Variants in ANAPC5 observed in about 807,000 individuals in gnomAD.
ANAPC5 encodes the protein anaphase promoting complex subunit 5.
Under a neutral mutation model 91.3 loss-of-function variants are expected in ANAPC5, and 60 were observed. The ratio of observed to expected loss-of-function variants is 0.66; its 90% CI spans 0.53 to 0.81. The LOEUF is 0.81. Among genes scored for constraint, ANAPC5 ranks in the 40% least tolerant of loss-of-function variants. The pLI is 0.00. For synonymous variants in ANAPC5, 340 were observed against 364.1 expected (o/e 0.93, Z 0.75); for missense variants, 690 against 931.5 (o/e 0.74, Z 3.37).
intron 4 of ANAPC5, among the ~76,000 whole-genome samples, chr12:121,344,304 T>C (rs1437535615): frequency 1.3e-5 from 2 of 151,940 alleles, no homozygotes; most frequent in African/African-American, 2.4e-5. Context: ...TGGGGCCGAG[T>C]GCGGTGGCTC....
chr12:121,347,737 T>C, intron 2 of ANAPC5, 65 bp downstream of exon 2: 1 of 1,264,608 alleles, frequency 7.9e-7, no homozygotes, highest in East Asian at 2.3e-5. Context: ...AACTACCACA[T>C]ACCCTTTTGT....
At chr12:121,343,409 G>C (rs1429880793) in intron 4 of ANAPC5, among the ~76,000 whole-genome samples, 1 of 152,134 alleles carries the variant, frequency 6.6e-6, no homozygotes. Flanking sequence ...CAACCCTCTG[G>C]GGAAGGGGTA....
rs573579983 is a variant in ANAPC5 at position 121,329,481 on chromosome 12, C to T, written c.1123-984G>A. On this transcript the variant is annotated intron_variant, in intron 9 of 16. Coordinates refer to ENST00000261819, the MANE Select transcript of ANAPC5 (RefSeq NM_016237.5). ...TTAAAGTGTATACATTAAATTACTA[C>T]CTGTAATTACTTTCCATTTTACTGA... is the stretch of plus-strand genomic sequence containing the variant. 1.4e-4 allele frequency among the ~76,000 whole-genome samples: 21 copies of T among 151,954 alleles called. No individual in the cohort carries two copies. The South Asian group carries it at 4.2e-3, about 30-fold the overall frequency.
chr12:121,330,467 A>C, intron 9 of ANAPC5, 116 bp downstream of exon 9: 1 of 776,960 alleles, frequency 1.3e-6, no homozygotes, highest in Non-Finnish European at 2.1e-6. Flanking sequence ...CCAAGAATAA[A>C]ACCACACTTT....
chr12:121,311,339 A>C (rs1902160809), intron 15 of ANAPC5, among the ~76,000 whole-genome samples: 1 of 152,206 alleles, frequency 6.6e-6, no homozygotes, highest in African/African-American at 2.4e-5. Flanking sequence ...AACCAAAAGA[A>C]AGCTGGAGTG....
At chr12:121,351,233 C>T (rs1593611343) in intron 1 of ANAPC5, 4 of 353,188 alleles carry the variant, frequency 1.1e-5, no homozygotes, top group African/African-American at 2.2e-5. Flanking sequence ...ATTAGCTGGG[C>T]GTAGTGACCC....
Position 121,335,712 on chromosome 12 carries a change from G to T in ANAPC5, c.771C>A (p.Ser257Arg). ...CTTGGACACGGAGGTTGTTTAAGTA[G>T]CTGAGATAATGCTAAAACAAGAAAT... Reference protein sequence around the residue: ...NPDFAEAHYLSYLNNLRVQDV... With the variant: ...NPDFAEAHYLRYLNNLRVQDV... The change falls in exon 7 of 17, where the codon AGC (serine) becomes AGA (arginine). Residue 257 changes from serine to arginine, a missense_variant. By Grantham distance (110) the Ser-to-Arg change is moderately radical. Around this residue, in one of 5 missense-constraint regions of ANAPC5, gnomAD observed 83 missense variants for 150.8 expected, o/e 0.55. Transcript: ENST00000261819. The T allele has an allele frequency of 6.2e-7, 1 of 1,603,266 alleles. No homozygotes were observed. Among genetic ancestry groups the T allele is most frequent in the Non-Finnish European group, 8.5e-7 (1 of 1,171,246 alleles).
intron 15 of ANAPC5, among the ~76,000 whole-genome samples, chr12:121,310,659 C>T (rs938552453): frequency 1.3e-5 from 2 of 152,046 alleles, no homozygotes; most frequent in African/African-American, 2.4e-5. Flanking sequence ...ACAAGGCAGG[C>T]GCAGTGGCTC....
At chr12:121,346,339 C>T in intron 3 of ANAPC5, 1 of 232,582 alleles carries the variant, frequency 4.3e-6, no homozygotes, top group Admixed American at 5.5e-5. Flanking sequence ...ACTGGCTCCC[C>T]CAACCAGAGG....
chr12:121,318,205 T>C (rs976984335), intron 15 of ANAPC5, 72 bp downstream of exon 15: 3 of 1,422,932 alleles, frequency 2.1e-6, no homozygotes, highest in Middle Eastern at 1.9e-4. Flanking sequence ...ATCCTTTCAA[T>C]ACTCAAACGT....
chr12:121,319,415 G>A (rs1450880897), intron 13 of ANAPC5, among the ~76,000 whole-genome samples: 1 of 151,712 alleles, frequency 6.6e-6, no homozygotes, highest in African/African-American at 2.4e-5. Flanking sequence ...TGTACTTTTA[G>A]TAGAGAGAGG....
At chr12:121,313,986 C>A (rs539612750) in intron 15 of ANAPC5, among the ~76,000 whole-genome samples, 1 of 152,260 alleles carries the variant, frequency 6.6e-6, no homozygotes, top group South Asian at 2.1e-4. Context: ...TGCAAAAATT[C>A]TCAACAAAAT....
chr12:121,311,786 T>C (rs1163839004), intron 15 of ANAPC5, among the ~76,000 whole-genome samples: 1 of 152,130 alleles, frequency 6.6e-6, no homozygotes, highest in Non-Finnish European at 1.5e-5. Context: ...TGAGCCATGA[T>C]TGTGCCATGG....
chr12:121,351,985 A>C, intron 1 of ANAPC5, 149 bp downstream of exon 1: 15 of 732,644 alleles, frequency 2.0e-5, no homozygotes, highest in Middle Eastern at 4.1e-4. Flanking sequence ...CGTGTTAGCT[A>C]CCGGTAGTAG....
intron 5 of ANAPC5, among the ~76,000 whole-genome samples, chr12:121,339,829 C>G (rs1429982624): frequency 1.4e-5 from 2 of 146,916 alleles, no homozygotes; most frequent in Non-Finnish European, 3.0e-5. Context: ...AATTTTTATT[C>G]TGAAAATCAA....
chr12:121,349,051 G>A (rs1903783173), intron 1 of ANAPC5, among the ~76,000 whole-genome samples: 1 of 152,050 alleles, frequency 6.6e-6, no homozygotes, highest in African/African-American at 2.4e-5. Flanking sequence ...GATTACTTGA[G>A]GTCAGGAGTT....
intron 11 of ANAPC5, among the ~76,000 whole-genome samples, chr12:121,323,522 G>A (rs922997278): frequency 2.6e-5 from 4 of 152,026 alleles, no homozygotes; most frequent in African/African-American, 9.7e-5. Context: ...TGTAGAGACG[G>A]GGTTTCACCA....
chr12:121,348,519 G>T (rs1238500245), intron 1 of ANAPC5, among the ~76,000 whole-genome samples: 1 of 152,106 alleles, frequency 6.6e-6, no homozygotes, highest in Admixed American at 6.5e-5. Flanking sequence ...ACAAAAATTA[G>T]CCAGGCATGG....
At chr12:121,336,932 A>G (rs1903257757) in intron 6 of ANAPC5, among the ~76,000 whole-genome samples, 1 of 152,112 alleles carries the variant, frequency 6.6e-6, no homozygotes, top group African/African-American at 2.4e-5. Context: ...TATAAAAAGT[A>G]GCCTTGGCCA....
Sources: allele counts gnomAD v4.1 joint callset (sites outside exome capture counted in the v4.1 genomes callset), GRCh38; gene constraint gnomAD v4.1.1; regional missense constraint gnomAD v4.1.1; transcripts MANE v1.5; gene names NCBI Gene and HGNC (gene_info 2026-07-23, HGNC 2026-07-21).